Variants in NXPE2 observed in about 807,000 individuals in gnomAD.
The protein encoded by NXPE2 is neurexophilin and PC-esterase domain family member 2.
In NXPE2, 34 loss-of-function variants were observed where a neutral mutation model predicts 34.4. The observed-to-expected ratio is 0.99, with a 90% CI of 0.75 to 1.31. NXPE2 has a LOEUF of 1.31. NXPE2 is among the 40% of genes most tolerant of loss of function. The pLI, the probability that NXPE2 is intolerant of heterozygous loss-of-function variation, is 0.00. For missense variants in NXPE2, 649 were observed against 672.5 expected (o/e 0.97, Z 0.39); for synonymous variants, 235 against 231.3 (o/e 1.02, Z -0.15).
the NXPE2 span, among the ~76,000 whole-genome samples, chr11:114,733,559 G>A: frequency 6.6e-6 from 1 of 152,094 alleles, no homozygotes; most frequent in Non-Finnish European, 1.5e-5. Context: ...GGAGGGTATG[G>A]GTTTCCTCCT....
At chr11:114,609,640 G>GT in the NXPE2 span, among the ~76,000 whole-genome samples, 1 of 147,700 alleles carries the variant, frequency 6.8e-6, no homozygotes, top group South Asian at 2.2e-4. Flanking sequence ...GATAATAAGT[G>GT]TGGCCTCGTG....
chr11:114,691,312 A>G (rs1215292864), intron 2 of NXPE2, among the ~76,000 whole-genome samples: 2 of 151,444 alleles, frequency 1.3e-5, no homozygotes. Context: ...TGTATGATCA[A>G]TTGGCTTTGT....
chr11:114,769,011 A>G, the NXPE2 span, among the ~76,000 whole-genome samples: 1 of 152,314 alleles, frequency 6.6e-6, no homozygotes, highest in South Asian at 2.1e-4. Flanking sequence ...CTATCATCAG[A>G]GTGAACAGGC....
chr11:114,729,928 T>A, the NXPE2 span, among the ~76,000 whole-genome samples: 2 of 152,182 alleles, frequency 1.3e-5, no homozygotes, highest in Admixed American at 1.3e-4. Context: ...CTTGTTGATT[T>A]TTATTTTTGT....
At chr11:114,605,008 A>G in the NXPE2 span, among the ~76,000 whole-genome samples, 101,781 of 151,530 alleles carry the variant, frequency 0.67, 34,410 homozygotes, top group African/African-American at 0.75. Flanking sequence ...GCATTGCCTC[A>G]CAGGTAACCA....
At chr11:114,619,012 T>C in the NXPE2 span, among the ~76,000 whole-genome samples, 1 of 152,104 alleles carries the variant, frequency 6.6e-6, no homozygotes, top group Non-Finnish European at 1.5e-5. Flanking sequence ...GGGTAACCAC[T>C]GTTACCCAGT....
chr11:114,544,788 C>T, the NXPE2 span, among the ~76,000 whole-genome samples: 1 of 151,966 alleles, frequency 6.6e-6, no homozygotes, highest in Non-Finnish European at 1.5e-5. Context: ...AGAGATAAGC[C>T]ATAGAGTGTG....
At chr11:114,553,313 A>G in the NXPE2 span, among the ~76,000 whole-genome samples, 1 of 152,154 alleles carries the variant, frequency 6.6e-6, no homozygotes, top group Non-Finnish European at 1.5e-5. Context: ...CCCTCATTCG[A>G]GAGGAGAATC....
the NXPE2 span, among the ~76,000 whole-genome samples, chr11:114,726,004 G>GAA: frequency 1.0e-5 from 1 of 96,648 alleles, no homozygotes; most frequent in Non-Finnish European, 2.2e-5. Context: ...AAAAGAAAAA[G>GAA]AAAACCATAA....
chr11:114,528,000 A>G, the NXPE2 span: 117 of 769,762 alleles, frequency 1.5e-4, no homozygotes, highest in Non-Finnish European at 2.1e-4. Flanking sequence ...TTAGTTTTCT[A>G]TAACTGGAAG....
chr11:114,725,668 C>A, the NXPE2 span, among the ~76,000 whole-genome samples: 2 of 151,922 alleles, frequency 1.3e-5, no homozygotes, highest in Admixed American at 6.6e-5. Context: ...ATATCTATAG[C>A]CTTCTTGTCA....
At chr11:114,724,816 T>C in the NXPE2 span, among the ~76,000 whole-genome samples, 2 of 150,874 alleles carry the variant, frequency 1.3e-5, no homozygotes, top group Non-Finnish European at 2.9e-5. Context: ...CAAAGCTACT[T>C]GAGGGAGTAT....
chr11:114,626,911 G>A, the NXPE2 span, among the ~76,000 whole-genome samples: 1 of 151,994 alleles, frequency 6.6e-6, no homozygotes. Context: ...CTGGAAGAAA[G>A]GGTATCAGTG....
At chr11:114,555,768 G>A in the NXPE2 span, among the ~76,000 whole-genome samples, 436 of 152,228 alleles carry the variant, frequency 2.9e-3, no homozygotes, top group African/African-American at 9.2e-3. Context: ...TCATATAAAT[G>A]GAATAATGTA....
chr11:114,514,716 T>TTA, the NXPE2 span, among the ~76,000 whole-genome samples: 2 of 152,090 alleles, frequency 1.3e-5, no homozygotes, highest in Admixed American at 6.6e-5. Flanking sequence ...ACACACAAAT[T>TTA]TATATATATA....
chr11:114,612,491 T>C, the NXPE2 span, among the ~76,000 whole-genome samples: 1 of 150,426 alleles, frequency 6.6e-6, no homozygotes, highest in African/African-American at 2.5e-5. Flanking sequence ...CACTGTTACC[T>C]GCTGGATAAT....
At chr11:114,787,571 G>C in the NXPE2 span, among the ~76,000 whole-genome samples, 1 of 152,210 alleles carries the variant, frequency 6.6e-6, no homozygotes, top group African/African-American at 2.4e-5. Flanking sequence ...TATTTACTGA[G>C]AGTGCAGGCA....
At chr11:114,558,695 A>G in the NXPE2 span, among the ~76,000 whole-genome samples, 29 of 152,216 alleles carry the variant, frequency 1.9e-4, no homozygotes, top group African/African-American at 6.5e-4. Flanking sequence ...CACAATATAG[A>G]TTGGATCTTT....
the NXPE2 span, among the ~76,000 whole-genome samples, chr11:114,766,475 C>T: frequency 6.6e-6 from 1 of 152,134 alleles, no homozygotes; most frequent in African/African-American, 2.4e-5. Context: ...TAGAAATGCT[C>T]TAATTCTTCT....
Sources: gnomAD v4.1 joint callset for allele counts (sites outside exome capture counted in the v4.1 genomes callset) on GRCh38, gnomAD v4.1.1 for gene constraint, MANE v1.5 for transcripts, NCBI Gene and HGNC (gene_info 2026-07-23, HGNC 2026-07-21) for gene names.